Variants in COL24A1 observed in about 807,000 individuals in gnomAD.
COL24A1 encodes the protein collagen type XXIV alpha 1 chain.
COL24A1 carries 224 observed loss-of-function variants against 253.9 expected under a neutral mutation model. The observed-to-expected ratio is 0.88, with a 90% CI of 0.79 to 0.99. The LOEUF (loss-of-function observed/expected upper bound fraction) is 0.99, where lower values mean the gene tolerates loss of function less well. COL24A1 is among the 50% of genes least tolerant of loss of function. The pLI, the probability that COL24A1 is intolerant of heterozygous loss-of-function variation, is 0.00. For missense variants in COL24A1, 2,131 were observed against 2,068.5 expected, an observed-to-expected ratio of 1.03 and a Z score of -0.59; for synonymous variants, 685 against 673.7, an observed-to-expected ratio of 1.02 and a Z score of -0.26.
intron 2 of COL24A1, among the ~76,000 whole-genome samples, chr1:86,134,873 T>G (rs1424955952): frequency 6.9e-6 from 1 of 145,746 alleles, no homozygotes; most frequent in African/African-American, 2.6e-5. Context: ...GTCCACTTGG[T>G]GCAGAGCTGA....
In COL24A1 at chr1:86,112,550, G is replaced by C. The variant is rs750381304; in HGVS notation, c.1599+17C>G. The C allele has an allele frequency of 6.2e-7, 1 of 1,608,514 alleles. No individual in the cohort carries two copies. Among genetic ancestry groups the C allele is most frequent in the South Asian group, 1.1e-5 (1 of 90,148 alleles). ...TGATACTCATTAGCTTAAGTTGCCT[G>C]ATTAGTAGTCACTTACCTTTGGACC... On this transcript the variant is annotated intron_variant, in intron 5 of 59. Coordinates refer to ENST00000370571, the MANE Select transcript of COL24A1 (RefSeq NM_152890.7).
chr1:85,842,578 A>G (rs1334644432), intron 39 of COL24A1, among the ~76,000 whole-genome samples, 185 bp from the exon 40 acceptor site: 1 of 152,182 alleles, frequency 6.6e-6, no homozygotes, highest in East Asian at 1.9e-4. Context: ...TGAAACACAA[A>G]AAGTTCTGCA....
chr1:85,823,660 T>C (rs993440792), intron 44 of COL24A1, 25 bp downstream of exon 44: 4 of 1,613,636 alleles, frequency 2.5e-6, no homozygotes, highest in African/African-American at 1.3e-5. Context: ...TGTTAATTTT[T>C]AGAAATAATG....
chr1:85,795,383 C>T (rs2101713719), intron 47 of COL24A1, among the ~76,000 whole-genome samples: 1 of 152,162 alleles, frequency 6.6e-6, no homozygotes, highest in Middle Eastern at 3.4e-3. Context: ...CTTGGCTTAG[C>T]CGTCATATTC....
At chr1:85,764,501 CA>C (rs1434476525) in intron 53 of COL24A1, among the ~76,000 whole-genome samples, 1 of 134,330 alleles carries the variant, frequency 7.4e-6, no homozygotes, top group Admixed American at 7.7e-5. Context: ...CACACACACA[CA>C]CACCATATTC....
At chr1:85,937,722 G>A (rs1222240492) in intron 24 of COL24A1, among the ~76,000 whole-genome samples, 1 of 147,408 alleles carries the variant, frequency 6.8e-6, no homozygotes, top group African/African-American at 2.5e-5. Flanking sequence ...CAACAACAGA[G>A]AACCATATTA....
chr1:86,059,220 C>A (rs41309191), intron 8 of COL24A1, 46 bp from the exon 9 acceptor site: 32 of 1,396,540 alleles, frequency 2.3e-5, no homozygotes, highest in Non-Finnish European at 3.2e-5. Flanking sequence ...CCAAAGGAAA[C>A]AAATTTGGTA....
At chr1:85,986,194 A>C (rs1693706455) in intron 20 of COL24A1, among the ~76,000 whole-genome samples, 1 of 151,862 alleles carries the variant, frequency 6.6e-6, no homozygotes, top group African/African-American at 2.4e-5. Context: ...TCTTGAAAAC[A>C]GGGATCAGGA....
At chr1:86,070,938 G>C (rs1379093201) in intron 7 of COL24A1, among the ~76,000 whole-genome samples, 2 of 152,068 alleles carry the variant, frequency 1.3e-5, no homozygotes, top group Admixed American at 6.5e-5. Context: ...AAAAACACAG[G>C]CTAATATAGC....
chr1:85,736,823 A>G (rs1664107500), intron 58 of COL24A1, among the ~76,000 whole-genome samples: 1 of 152,192 alleles, frequency 6.6e-6, no homozygotes, highest in Admixed American at 6.5e-5. Context: ...TTTAGGTTTT[A>G]TAAATATTTG....
At chr1:85,994,493 GGA>G (rs1005821163) in intron 19 of COL24A1, among the ~76,000 whole-genome samples, 2 of 151,784 alleles carry the variant, frequency 1.3e-5, no homozygotes, top group African/African-American at 4.8e-5. Context: ...GTATGCAGAG[GGA>G]GAGAGGTTTT....
chr1:86,097,385 TTTTC>T (rs1296794979), intron 5 of COL24A1, among the ~76,000 whole-genome samples: 5 of 151,044 alleles, frequency 3.3e-5, no homozygotes, highest in Admixed American at 6.6e-5. Flanking sequence ...CTTTCTTCTC[TTTTC>T]TTTCTTCGTC....
chr1:86,057,859 C>T (rs1455745308), intron 10 of COL24A1, 72 bp downstream of exon 10: 7 of 1,354,408 alleles, frequency 5.2e-6, no homozygotes, highest in Non-Finnish European at 7.3e-6. Context: ...TGTAAAAATG[C>T]TAAGTGTTTT....
chr1:85,834,929 C>T (rs917643110), intron 43 of COL24A1, among the ~76,000 whole-genome samples: 1 of 152,060 alleles, frequency 6.6e-6, no homozygotes, highest in African/African-American at 2.4e-5. Flanking sequence ...AATAGCTGTA[C>T]ATATTTTATA....
At chr1:85,756,606 A>C (rs1431852648) in intron 55 of COL24A1, among the ~76,000 whole-genome samples, 2 of 152,208 alleles carry the variant, frequency 1.3e-5, no homozygotes, top group East Asian at 3.8e-4. Context: ...AATCTTGTGC[A>C]CTGCTGGTGG....
Position 85,987,481 on chromosome 1 carries a change from A to AAATTTTAAAT in COL24A1, c.2364+119_2364+120insATTTAAAATT, listed in dbSNP as rs1693822053. On this transcript the variant is annotated intron_variant, in intron 20 of 59. Coordinates refer to ENST00000370571, the MANE Select transcript of COL24A1 (RefSeq NM_152890.7). ...ACCTAAAGTTTATTAAATGTACCTG[A>AAATTTTAAAT]GACAGCTTAAAAATATCCAGAAATG... The AAATTTTAAAT allele has an allele frequency of 5.5e-5, 49 of 884,776 alleles. 1 individual carries two copies. In the South Asian group the frequency reaches 7.5e-4, roughly 14 times the overall value. 54.8% of individuals were successfully genotyped at this position (884,776 alleles called of 1,614,324 possible).
At chr1:85,965,210 T>G in intron 22 of COL24A1, 148 bp from the exon 23 acceptor site, 1 of 646,656 alleles carries the variant, frequency 1.5e-6, no homozygotes, top group East Asian at 2.9e-5. Flanking sequence ...CATACTCATT[T>G]GCCATTCATT....
chr1:85,875,094 G>A (rs1348905168), intron 34 of COL24A1, among the ~76,000 whole-genome samples, 183 bp downstream of exon 34: 4 of 152,140 alleles, frequency 2.6e-5, no homozygotes, highest in Admixed American at 1.3e-4. Flanking sequence ...CTTGTCCCTG[G>A]TGCCAGCCAA....
At chr1:86,117,854 T>C (rs1476291653) in intron 3 of COL24A1, among the ~76,000 whole-genome samples, 1 of 152,204 alleles carries the variant, frequency 6.6e-6, no homozygotes, top group Non-Finnish European at 1.5e-5. Flanking sequence ...TCATACAATG[T>C]AGATTCAAAT....
Sources: allele counts gnomAD v4.1 joint callset (sites outside exome capture counted in the v4.1 genomes callset), GRCh38; gene constraint gnomAD v4.1.1; transcripts MANE v1.5; gene names NCBI Gene and HGNC (gene_info 2026-07-23, HGNC 2026-07-21).